SLC22A13: variants seen among roughly 807,000 people sequenced by gnomAD.
SLC22A13 encodes the protein organic anion transporter 10.
A neutral mutation model predicts 49.1 loss-of-function variants in SLC22A13; 42 were observed. The ratio of observed to expected loss-of-function variants is 0.85; its 90% confidence interval spans 0.67 to 1.11. The LOEUF is 1.11. Ranked by LOEUF, SLC22A13 falls within the 50% of genes least tolerant of loss-of-function variation. SLC22A13 has a pLI of 0.00. For missense variants in SLC22A13, 694 were observed against 712.8 expected (o/e 0.97, Z 0.30); for synonymous variants, 282 against 293.1 (o/e 0.96, Z 0.39).
rs1173616912 is a variant in SLC22A13, at chr3:38,265,998, G to T, written c.138G>T (p.Glu46Asp). The T allele has an allele frequency of 1.9e-6, 3 of 1,614,032 alleles. No homozygotes were observed. The African/African-American group carries it at 4.0e-5, about 22-fold the overall frequency. ...CCCATGTCTTCATGGTCCTAGATGA[G>T]CCCCACCACTGTGCAGTGGCTTGGG... ...FFAHVFMVLD[E>D]PHHCAVAWVK... The change falls in exon 1 of 10, where the codon GAG (glutamate) becomes GAT (aspartate). Residue 46 changes from glutamate (E) to aspartate (D), a missense_variant. By Grantham distance (45) the Glu-to-Asp change is conservative. Transcript: ENST00000311856.
At chr3:38,272,197 T>G (rs9874338) in intron 1 of SLC22A13, among the ~76,000 whole-genome samples, 29,947 of 152,190 alleles carry the variant, frequency 0.2, 4,678 homozygotes, top group African/African-American at 0.44. Context: ...GTTGACCAGG[T>G]GTGCCAGCCT....
intron 1 of SLC22A13, 50 bp from the exon 2 acceptor site, chr3:38,274,222 C>A: frequency 7.3e-7 from 1 of 1,370,370 alleles, no homozygotes; most frequent in Non-Finnish European, 1.0e-6. Context: ...TGGTGTAGGG[C>A]TTGCCCTCCT....
At chr3:38,269,550 G>A (rs919344833) in intron 1 of SLC22A13, among the ~76,000 whole-genome samples, 7 of 152,154 alleles carry the variant, frequency 4.6e-5, no homozygotes, top group South Asian at 2.1e-4. Flanking sequence ...GAGCCACCGC[G>A]CCTGGCCTAA....
chr3:38,274,397 C>T (rs368136248), intron 2 of SLC22A13, 22 bp downstream of exon 2: 1 of 1,593,428 alleles, frequency 6.3e-7, no homozygotes, highest in South Asian at 1.1e-5. Context: ...GCCCTGCCCA[C>T]TCCCTGCCTA....
At chr3:38,276,136 C>T (rs1703581047) in intron 7 of SLC22A13, 40 bp downstream of exon 7, 1 of 1,568,028 alleles carries the variant, frequency 6.4e-7, no homozygotes, top group Non-Finnish European at 8.8e-7. Context: ...TGCCCCCTCA[C>T]CCACCGGCTG....
rs1703602538 is a variant in SLC22A13, at chr3:38,277,561, G to A, written c.*96G>A. ...CCCACAGGGACACAGGGCAAGACCAGCCTTGCTTATGGAGGCAGGACACCA... is the reference window on the plus strand; with the variant it reads ...CCCACAGGGACACAGGGCAAGACCAACCTTGCTTATGGAGGCAGGACACCA... On this transcript the variant is annotated 3_prime_UTR_variant, in exon 10 of 10. Transcript: ENST00000311856. The A allele has an allele frequency of 1.1e-6, 1 of 887,424 alleles. No individual in the cohort carries two copies. Among genetic ancestry groups the A allele is most frequent in the African/African-American group, 1.7e-5 (1 of 59,736 alleles). The allele number at this position is 887,424 out of a possible 1,614,324, so 55.0% of individuals were successfully genotyped here. A position where few individuals can be genotyped will look rare whatever the true frequency, so the allele number is the denominator to read the frequency against.
intron 1 of SLC22A13, among the ~76,000 whole-genome samples, chr3:38,268,499 C>T (rs948056366): frequency 2.6e-5 from 4 of 152,206 alleles, no homozygotes; most frequent in African/African-American, 9.7e-5. Context: ...TTAAGCTGCA[C>T]ATTTATGCTA....
intron 1 of SLC22A13, among the ~76,000 whole-genome samples, chr3:38,267,333 A>G (rs1170641249): frequency 1.7e-5 from 1 of 58,886 alleles, no homozygotes; most frequent in Admixed American, 2.4e-4. Flanking sequence ...ACCCCACACC[A>G]CAGGGAGCTC....
At chr3:38,275,817 C>T (rs1575391916) in intron 6 of SLC22A13, 65 bp from the exon 7 acceptor site, 1 of 1,534,408 alleles carries the variant, frequency 6.5e-7, no homozygotes, top group East Asian at 2.3e-5. Flanking sequence ...CTGACCAAGG[C>T]AGGCTCTCCC....
Position 38,277,117 on chromosome 3 carries a change from C to A in SLC22A13, c.1552C>A (p.Pro518Thr), listed in dbSNP as rs765595008. Residue 518 changes from proline to threonine, a missense_variant, in exon 9 of 10, where the codon CCT (proline) becomes ACT (threonine). Transcript: ENST00000311856. ...KDTLQDLELG[P>T]HPRSPKSVPS... is the part of the protein sequence containing the mutation. ...CACCCTCCAGGACCTGGAGCTGGGGCCTCACCCACGGTGAGCTGCTTGCTT... is the reference window on the plus strand; with the variant it reads ...CACCCTCCAGGACCTGGAGCTGGGGACTCACCCACGGTGAGCTGCTTGCTT... 6.4e-7 allele frequency: 1 copy of A among 1,560,882 alleles called. No homozygotes were observed. The highest frequency in any genetic ancestry group is 1.4e-5 in the African/African-American group (1 of 73,598).
chr3:38,275,199 T>A, intron 4 of SLC22A13, 42 bp downstream of exon 4: 3 of 1,610,482 alleles, frequency 1.9e-6, no homozygotes, highest in Non-Finnish European at 1.7e-6. Context: ...CCCAGGTTAG[T>A]TGTGTTGTGG....
At chr3:38,274,245 A>T in intron 1 of SLC22A13, 27 bp from the exon 2 acceptor site, 1 of 1,549,434 alleles carries the variant, frequency 6.5e-7, no homozygotes. Context: ...CAGCCCCTGG[A>T]CTCACATCTG....
intron 1 of SLC22A13, among the ~76,000 whole-genome samples, chr3:38,266,900 C>T (rs1303997005): frequency 6.6e-6 from 1 of 152,204 alleles, no homozygotes; most frequent in Admixed American, 6.5e-5. Context: ...TGAAAGCATC[C>T]AGTCCCACTC....
chr3:38,276,017 G>T lies in SLC22A13; in HGVS notation c.1158G>T (p.Arg386Ser), dbSNP rs1275985794. 6.2e-7 allele frequency: 1 copy of T among 1,613,628 alleles called. No homozygotes were observed. Among genetic ancestry groups the T allele is most frequent in the Non-Finnish European group, 8.5e-7 (1 of 1,179,620 alleles). Residue 386 changes from arginine (R) to serine (S), a missense_variant, in exon 7 of 10, where the codon AGG becomes AGT. By Grantham distance (110) the Arg-to-Ser change is moderately radical. Coordinates refer to ENST00000311856, the MANE Select transcript of SLC22A13 (RefSeq NM_004256.4). ...ARCSSIFMMQ[R>S]FGRKWSQLGT... ...GTTCCAGCATCTTCATGATGCAGAG[G>T]TTTGGCCGCAAGTGGAGCCAGTTGG...
In SLC22A13 at chr3:38,265,858, T is replaced by G; in HGVS notation, c.-3T>G. ...CAGGCTGAGGAGGTAGTGACTGGCATACATGGCTCAGTTTGTCCAGGTCCT... is the reference window on the plus strand; with the variant it reads ...CAGGCTGAGGAGGTAGTGACTGGCAGACATGGCTCAGTTTGTCCAGGTCCT... On this transcript the variant is annotated 5_prime_UTR_variant, in exon 1 of 10. Transcript: ENST00000311856. 1 of 1,613,880 alleles carries G rather than the reference T, an allele frequency of 6.2e-7. No homozygotes were observed. Among genetic ancestry groups the G allele is most frequent in the Non-Finnish European group, 8.5e-7 (1 of 1,179,812 alleles).
At chr3:38,271,542 CAAAAAAAAAAAAAAAAAA>C (rs397837435) in intron 1 of SLC22A13, among the ~76,000 whole-genome samples, 1 of 48,408 alleles carries the variant, frequency 2.1e-5, no homozygotes, top group Non-Finnish European at 4.6e-5. Context: ...GACGCTTTCT[CAAAAAAAAAAAAAAAAAA>C]AAAAAAAAAT....
At chr3:38,270,405 G>A (rs1703507574) in intron 1 of SLC22A13, 3 of 215,874 alleles carry the variant, frequency 1.4e-5, no homozygotes, top group East Asian at 1.1e-4. Context: ...AGAGTAGAGG[G>A]ATCATTCTCT....
At chr3:38,275,735 G>T in intron 6 of SLC22A13, 63 bp downstream of exon 6, 1 of 1,556,156 alleles carries the variant, frequency 6.4e-7, no homozygotes, top group Non-Finnish European at 8.8e-7. Context: ...TGTGTTGGCA[G>T]AGGGGTGGGC....
Position 38,274,591 on chromosome 3 carries a change from C to T in SLC22A13, c.483-13C>T, listed in dbSNP as rs1703555613. The T allele has an allele frequency of 1.9e-6, 3 of 1,612,184 alleles. No homozygotes were observed. Among genetic ancestry groups the T allele is most frequent in the African/African-American group, 1.3e-5 (1 of 74,928 alleles). On this transcript the variant is annotated splice_polypyrimidine_tract_variant and intron_variant, in intron 2 of 9. Transcript: ENST00000311856. ...GGAGGGACCCTCCCCACAGACCTGC[C>T]CTGTTTCCTCAGGATTGGCCGCAAG...
Sources: gnomAD v4.1 joint callset for allele counts (sites outside exome capture counted in the v4.1 genomes callset) on GRCh38, gnomAD v4.1.1 for gene constraint, MANE v1.5 for transcripts, NCBI Gene and HGNC (gene_info 2026-07-23, HGNC 2026-07-21) for gene names.